Variants in SYCP2L observed in about 807,000 individuals in gnomAD.
SYCP2L encodes synaptonemal complex protein 2-like.
In SYCP2L, 98 loss-of-function variants were observed where a neutral mutation model predicts 125.8. The ratio of observed to expected loss-of-function variants is 0.78; its 90% confidence interval spans 0.66 to 0.92. The LOEUF (loss-of-function observed/expected upper bound fraction) is 0.92. SYCP2L is among the 40% of genes least tolerant of loss of function. SYCP2L has a pLI of 0.00. For missense variants in SYCP2L, 842 were observed against 936.4 expected, an observed-to-expected ratio of 0.90 and a Z score of 1.32; for synonymous variants, 317 against 325.4, an observed-to-expected ratio of 0.97 and a Z score of 0.28.
chr6:10,899,959 T>C (rs1433111539), intron 6 of SYCP2L, among the ~76,000 whole-genome samples: 2 of 152,266 alleles, frequency 1.3e-5, no homozygotes, highest in Non-Finnish European at 2.9e-5. Flanking sequence ...TGCTTTGTAT[T>C]AATCCCAACA....
chr6:10,965,814 TTAAAA>T (rs1297196801), intron 29 of SYCP2L, among the ~76,000 whole-genome samples: 1 of 152,188 alleles, frequency 6.6e-6, no homozygotes, highest in Non-Finnish European at 1.5e-5. Context: ...ACAATCTCAC[TTAAAA>T]TAACCACTCT....
chr6:10,950,994 C>G (rs1448283868), intron 23 of SYCP2L, among the ~76,000 whole-genome samples: 1 of 152,012 alleles, frequency 6.6e-6, no homozygotes, highest in Non-Finnish European at 1.5e-5. Flanking sequence ...TTGAATTTTG[C>G]CTTCATCTAC....
At chr6:10,931,964 C>CAAA (rs70991075) in intron 20 of SYCP2L, among the ~76,000 whole-genome samples, 5 of 102,670 alleles carry the variant, frequency 4.9e-5, no homozygotes, top group African/African-American at 1.6e-4. Context: ...GACCGTGTCT[C>CAAA]AAAAAAAAAA....
chr6:10,926,393 G>T lies in SYCP2L; in HGVS notation c.1273G>T (p.Glu425Ter), dbSNP rs779071672. ...SSELFSKSDK[E>*]DRESPSGLER... Reference sequence around the variant, plus strand: ...AGAACTTTTTAGTAAGTCTGATAAAGAAGACAGGGAGAGTCCCAGTGGCCT... The same window carrying T: ...AGAACTTTTTAGTAAGTCTGATAAATAAGACAGGGAGAGTCCCAGTGGCCT... The change falls in exon 16 of 30, where the codon GAA becomes TAA. Residue 425 changes from glutamate (E) to a stop codon, truncating the protein, a stop_gained. Transcript: ENST00000283141. LOFTEE classifies it high-confidence loss of function. 1 of 1,613,632 alleles carries T rather than the reference G, an allele frequency of 6.2e-7. No homozygotes were observed. The highest frequency in any genetic ancestry group is 8.5e-7 in the Non-Finnish European group (1 of 1,179,764).
chr6:10,961,691 C>CAGAAGTGGCCGG, intron 28 of SYCP2L, 133 bp downstream of exon 28: 1 of 834,014 alleles, frequency 1.2e-6, no homozygotes, highest in African/African-American at 1.7e-5. Flanking sequence ...GAACCGGCCA[C>CAGAAGTGGCCGG]TTCTGTGGCA....
At chr6:10,923,543 G>A (rs1055347253) in intron 14 of SYCP2L, among the ~76,000 whole-genome samples, 10 of 151,574 alleles carry the variant, frequency 6.6e-5, no homozygotes, top group African/African-American at 2.4e-4. Context: ...GCACCACCAC[G>A]CCCAGCTAAT....
At chr6:10,943,819 T>A (rs1781263529) in intron 23 of SYCP2L, among the ~76,000 whole-genome samples, 1 of 152,220 alleles carries the variant, frequency 6.6e-6, no homozygotes, top group Non-Finnish European at 1.5e-5. Flanking sequence ...TTATACTGTA[T>A]ACATTATATG....
chr6:10,900,701 A>G (rs1780362229), intron 6 of SYCP2L, among the ~76,000 whole-genome samples: 1 of 151,984 alleles, frequency 6.6e-6, no homozygotes, highest in Non-Finnish European at 1.5e-5. Flanking sequence ...AGGATCCCAC[A>G]CTCGTGACCT....
chr6:10,973,532 AAATAAT>A (rs371335747), intron 29 of SYCP2L, among the ~76,000 whole-genome samples: 1 of 151,960 alleles, frequency 6.6e-6, no homozygotes, highest in Non-Finnish European at 1.5e-5. Context: ...CTCCATCTCA[AAATAAT>A]AATAATAATA....
At chr6:10,945,702 G>A (rs566428209) in intron 23 of SYCP2L, among the ~76,000 whole-genome samples, 5 of 151,332 alleles carry the variant, frequency 3.3e-5, no homozygotes, top group Admixed American at 6.6e-5. Context: ...CCCAGGAGGC[G>A]GAGGTTGCGG....
At chr6:10,959,800 C>T (rs551425247) in intron 26 of SYCP2L, among the ~76,000 whole-genome samples, 14 of 148,146 alleles carry the variant, frequency 9.5e-5, no homozygotes, top group Middle Eastern at 3.5e-3. Flanking sequence ...ACTCGGGAGG[C>T]GGAGGTTGCG....
chr6:10,889,616 C>CTTTTTT (rs34273350), intron 1 of SYCP2L, among the ~76,000 whole-genome samples: 7 of 101,404 alleles, frequency 6.9e-5, no homozygotes, highest in Admixed American at 9.9e-5. Flanking sequence ...TGAGATCAGC[C>CTTTTTT]TTTTTTTTTT....
In SYCP2L at chr6:10,895,407, C is replaced by T. The variant is rs986786065; in HGVS notation, c.336+1203C>T. ...CTTTCCCCATTGGCCGGGGTCGGGT[C>T]GTACAATCTAATTCCGGTTGGCTAA... On this transcript the variant is annotated intron_variant, in intron 4 of 29. Transcript: ENST00000283141. 6.6e-5 allele frequency among the ~76,000 whole-genome samples: 10 copies of T among 152,218 alleles called. No individual in the cohort carries two copies. In the South Asian group the frequency reaches 1.7e-3, roughly 25 times the overall value.
intron 14 of SYCP2L, among the ~76,000 whole-genome samples, chr6:10,920,505 C>T (rs947703523): frequency 6.6e-6 from 1 of 152,236 alleles, no homozygotes; most frequent in Admixed American, 6.5e-5. Flanking sequence ...GCGTGAGACA[C>T]CGTGCCTGGC....
chr6:10,963,870 G>C lies in SYCP2L; in HGVS notation c.*37+27G>C. On this transcript the variant is annotated intron_variant, in intron 29 of 29. Transcript: ENST00000283141. Reference sequence around the variant, plus strand: ...TAGGTGCAAAGATTTGCATTGTTCAGTGGATGTGAATCGGGGTCAGGGCAG... The same window carrying C: ...TAGGTGCAAAGATTTGCATTGTTCACTGGATGTGAATCGGGGTCAGGGCAG... 1.9e-6 allele frequency: 3 copies of C among 1,578,220 alleles called. No homozygotes were observed. The South Asian group carries it at 3.3e-5, about 18-fold the overall frequency.
chr6:10,913,794 A>T (rs1263382335), intron 14 of SYCP2L, among the ~76,000 whole-genome samples: 1 of 151,534 alleles, frequency 6.6e-6, no homozygotes, highest in Non-Finnish European at 1.5e-5. Flanking sequence ...TCCTTGCCTA[A>T]GCCAATGTCT....
intron 9 of SYCP2L, among the ~76,000 whole-genome samples, chr6:10,907,300 G>GCCACTGCACTCCAGCCA (rs1377719141): frequency 6.6e-6 from 1 of 151,508 alleles, no homozygotes; most frequent in African/African-American, 2.4e-5. Flanking sequence ...TCGAGATTGG[G>GCCACTGCACTCCAGCCA]CCACTGCACT....
chr6:10,911,862 C>T (rs1189555758), intron 12 of SYCP2L, among the ~76,000 whole-genome samples: 6 of 112,930 alleles, frequency 5.3e-5, no homozygotes, highest in South Asian at 6.3e-4. Flanking sequence ...AATAGTAAGT[C>T]TAGTGTTTTA....
intron 8 of SYCP2L, among the ~76,000 whole-genome samples, chr6:10,905,544 G>A (rs967281383): frequency 2.4e-4 from 37 of 152,072 alleles, no homozygotes; most frequent in African/African-American, 8.0e-4. Context: ...TGCCCGTCTC[G>A]GCCTCCCAAA....
Sources: allele counts gnomAD v4.1 joint callset (sites outside exome capture counted in the v4.1 genomes callset), GRCh38; gene constraint gnomAD v4.1.1; transcripts MANE v1.5; gene names NCBI Gene and HGNC (gene_info 2026-07-23, HGNC 2026-07-21).